The following ZBBX variants were observed in gnomAD, a reference collection of about 807,000 sequenced individuals.
The protein encoded by ZBBX is zinc finger B-box domain containing, also known as zinc finger B-box domain-containing protein 1.
In ZBBX, 101 loss-of-function variants were observed where a neutral mutation model predicts 108.5. The observed-to-expected ratio is 0.93, with a 90% CI of 0.79 to 1.10. The LOEUF is 1.10. Among genes scored for constraint, ZBBX ranks in the 50% least tolerant of loss-of-function variants. The pLI is 0.00. For synonymous variants in ZBBX, 356 were observed against 323.4 expected (o/e 1.10, Z -1.08); for missense variants, 1,009 against 941.4 (o/e 1.07, Z -0.94).
Position 167,328,392 on chromosome 3 carries a change from C to T in ZBBX, c.688-276G>A, listed in dbSNP as rs528335371. ...AATGACTTATCATTATGCTGTTCAC[C>T]AGTGTTCTCTCTGTAAAGGTGCAAT... On this transcript the variant is annotated intron_variant, in intron 10 of 21. Coordinates refer to ENST00000675490, the MANE Select transcript of ZBBX (RefSeq NM_001199201.2). 5.3e-5 allele frequency among the ~76,000 whole-genome samples: 8 copies of T among 152,170 alleles called. 1 individual carries two copies. In the South Asian group the frequency reaches 1.7e-3, roughly 32 times the overall value.
At chr3:167,328,518 A>G (rs1737818020) in intron 10 of ZBBX, among the ~76,000 whole-genome samples, 1 of 151,952 alleles carries the variant, frequency 6.6e-6, no homozygotes, top group Non-Finnish European at 1.5e-5. Context: ...CTGATCAGAC[A>G]TTCCCCTGCT....
At chr3:167,337,345 C>A (rs1249872365) in intron 9 of ZBBX, among the ~76,000 whole-genome samples, 2 of 152,022 alleles carry the variant, frequency 1.3e-5, no homozygotes, top group Non-Finnish European at 2.9e-5. Context: ...TTGTGAACCC[C>A]TATCCCTACT....
chr3:167,297,715 G>A (rs996494628), intron 18 of ZBBX, among the ~76,000 whole-genome samples: 1 of 151,798 alleles, frequency 6.6e-6, no homozygotes, highest in African/African-American at 2.4e-5. Flanking sequence ...ATTAAAATAA[G>A]AGCTAAGGAA....
At chr3:167,405,925 G>C (rs1034508410) in intron 1 of ZBBX, among the ~76,000 whole-genome samples, 10 of 152,058 alleles carry the variant, frequency 6.6e-5, no homozygotes, top group African/African-American at 2.4e-4. Context: ...CAAAACCCTG[G>C]GGTGGTGGCA....
chr3:167,233,538 A>G, the ZBBX span, among the ~76,000 whole-genome samples: 2 of 151,628 alleles, frequency 1.3e-5, no homozygotes, highest in African/African-American at 4.8e-5. Flanking sequence ...GCCATCCTTA[A>G]AAGCTGTCCC....
At chr3:167,273,697 T>A (rs1726956776) in intron 20 of ZBBX, among the ~76,000 whole-genome samples, 1 of 152,138 alleles carries the variant, frequency 6.6e-6, no homozygotes, top group African/African-American at 2.4e-5. Flanking sequence ...GGAGCGGTAC[T>A]TGTGCTCTTG....
At chr3:167,348,320 GAA>G (rs1741933018) in intron 9 of ZBBX, among the ~76,000 whole-genome samples, 1 of 73,330 alleles carries the variant, frequency 1.4e-5, no homozygotes. Flanking sequence ...GAAAGAGAAA[GAA>G]AGAAAGAAAG....
intron 1 of ZBBX, among the ~76,000 whole-genome samples, chr3:167,404,288 C>G (rs570791396): frequency 6.6e-6 from 1 of 152,162 alleles, no homozygotes; most frequent in South Asian, 2.1e-4. Context: ...CAAAGCAAAA[C>G]TTTACAGAAA....
chr3:167,188,527 A>G, the ZBBX span, among the ~76,000 whole-genome samples: 15 of 152,328 alleles, frequency 9.8e-5, no homozygotes, highest in South Asian at 2.7e-3. Context: ...TCAGTTTGTG[A>G]TCAGCATAAG....
chr3:167,347,377 T>C (rs952361256), intron 9 of ZBBX, among the ~76,000 whole-genome samples: 13 of 151,866 alleles, frequency 8.6e-5, no homozygotes, highest in African/African-American at 2.7e-4. Flanking sequence ...AGCACCTATG[T>C]ATAAAAAATG....
At chr3:167,191,914 T>TAGAGAGAG in the ZBBX span, among the ~76,000 whole-genome samples, 1 of 114,662 alleles carries the variant, frequency 8.7e-6, no homozygotes, top group African/African-American at 3.5e-5. Context: ...TATATATATA[T>TAGAGAGAG]ATATATATAT....
chr3:167,319,273 G>A (rs972899520), intron 12 of ZBBX, among the ~76,000 whole-genome samples: 2 of 151,948 alleles, frequency 1.3e-5, no homozygotes, highest in Non-Finnish European at 2.9e-5. Flanking sequence ...GGACATGAAA[G>A]GACGGATACT....
At chr3:167,230,753 C>T in the ZBBX span, among the ~76,000 whole-genome samples, 3 of 151,738 alleles carry the variant, frequency 2.0e-5, no homozygotes, top group South Asian at 2.1e-4. Context: ...GCTTTGGAAG[C>T]GATTGGGAAA....
the ZBBX span, among the ~76,000 whole-genome samples, chr3:167,204,161 GT>G: frequency 7.0e-6 from 1 of 142,536 alleles, no homozygotes; most frequent in Non-Finnish European, 1.5e-5. Flanking sequence ...TTACTTGTAA[GT>G]TTATAATGCA....
At chr3:167,347,494 A>C (rs925581836) in intron 9 of ZBBX, among the ~76,000 whole-genome samples, 2 of 152,048 alleles carry the variant, frequency 1.3e-5, no homozygotes, top group African/African-American at 4.8e-5. Context: ...AAAGAAAAAT[A>C]CTACATGAAA....
chr3:167,276,927 G>A (rs889063068), intron 20 of ZBBX, among the ~76,000 whole-genome samples: 17 of 152,074 alleles, frequency 1.1e-4, no homozygotes, highest in African/African-American at 3.6e-4. Flanking sequence ...AGAAGAGAGT[G>A]GGGGCCAATA....
At chr3:167,369,885 G>A (rs1745897064) in intron 4 of ZBBX, among the ~76,000 whole-genome samples, 1 of 152,210 alleles carries the variant, frequency 6.6e-6, no homozygotes, top group Admixed American at 6.5e-5. Flanking sequence ...GACATAGGTA[G>A]CAAAGAGCAA....
chr3:167,330,966 C>CTCTCTCTCT (rs1738499559), intron 10 of ZBBX, among the ~76,000 whole-genome samples: 1 of 18,774 alleles, frequency 5.3e-5, no homozygotes, highest in Non-Finnish European at 1.1e-4. Context: ...TCTCTCTCTC[C>CTCTCTCTCT]CCCACTCCCC....
intron 5 of ZBBX, among the ~76,000 whole-genome samples, chr3:167,367,852 A>T (rs1050944257): frequency 2.0e-5 from 3 of 150,632 alleles, no homozygotes; most frequent in Non-Finnish European, 4.4e-5. Flanking sequence ...TATAATTAGT[A>T]CAAATATATA....
Sources: gnomAD v4.1 joint callset for allele counts (sites outside exome capture counted in the v4.1 genomes callset) on GRCh38, gnomAD v4.1.1 for gene constraint, MANE v1.5 for transcripts, NCBI Gene and HGNC (gene_info 2026-07-23, HGNC 2026-07-21) for gene names.